PDE4D: variants seen among roughly 807,000 people sequenced by gnomAD.
PDE4D encodes the protein phosphodiesterase 4D.
A neutral mutation model predicts 87.4 loss-of-function variants in PDE4D; 24 were observed. That is an observed-to-expected ratio of 0.27 (90% CI 0.20 to 0.39). The LOEUF (loss-of-function observed/expected upper bound fraction) is 0.39. PDE4D is among the 10% of genes least tolerant of loss of function. The probability of loss-of-function intolerance (pLI) is 1.00; values close to 1 mark genes in which losing one functional copy is unlikely to be tolerated. For synonymous variants in PDE4D, 384 were observed against 383.2 expected, an observed-to-expected ratio of 1.00 and a Z score of -0.02; for missense variants, 714 against 1,041.0, an observed-to-expected ratio of 0.69 and a Z score of 4.32.
intron 5 of PDE4D, among the ~76,000 whole-genome samples, chr5:59,132,022 C>T (rs138134816): frequency 2.0e-4 from 31 of 152,048 alleles, no homozygotes; most frequent in Non-Finnish European, 4.0e-4. Flanking sequence ...TCTGATAGTT[C>T]CCACAACTTT....
chr5:59,460,310 A>T (rs967746344), intron 1 of PDE4D, among the ~76,000 whole-genome samples: 1 of 152,212 alleles, frequency 6.6e-6, no homozygotes, highest in Non-Finnish European at 1.5e-5. Flanking sequence ...GTAGACAAAC[A>T]TTATGCTAAT....
At chr5:59,762,634 GGGTACACATATGTGTATATGTGTATATA>G (rs1762244932) in intron 1 of PDE4D, among the ~76,000 whole-genome samples, 3 of 127,394 alleles carry the variant, frequency 2.4e-5, no homozygotes, top group Non-Finnish European at 5.0e-5. Context: ...ATGTGTATAT[GGGTACACATATGTGTATATGTGTATATA>G]GGTACGTATG....
At chr5:60,118,680 C>A (rs1218108821) in intron 2 of PDE4D, among the ~76,000 whole-genome samples, 8 of 151,780 alleles carry the variant, frequency 5.3e-5, no homozygotes, top group African/African-American at 1.9e-4. Flanking sequence ...CTCTTACTTT[C>A]CAACTATCCT....
chr5:60,132,256 T>C (rs531246553), intron 2 of PDE4D, among the ~76,000 whole-genome samples: 1 of 152,344 alleles, frequency 6.6e-6, no homozygotes, highest in Non-Finnish European at 1.5e-5. Context: ...GCATTCATTT[T>C]AGAAAAGCAT....
intron 1 of PDE4D, among the ~76,000 whole-genome samples, chr5:59,762,671 T>C (rs1406522545): frequency 6.7e-6 from 1 of 148,900 alleles, no homozygotes; most frequent in Non-Finnish European, 1.5e-5. Context: ...TAGGTACGTA[T>C]GTGTATATGT....
chr5:59,940,535 A>G (rs973432389), intron 3 of PDE4D, among the ~76,000 whole-genome samples: 3 of 152,194 alleles, frequency 2.0e-5, no homozygotes, highest in Non-Finnish European at 4.4e-5. Context: ...GGGAGCTGTT[A>G]GAGATTTATC....
intron 3 of PDE4D, chr5:59,988,353 C>T (rs1762652387): frequency 2.2e-6 from 1 of 456,938 alleles, no homozygotes; most frequent in Non-Finnish European, 3.9e-6. Flanking sequence ...GAAATTCATC[C>T]TTTTTTTTTT....
intron 1 of PDE4D, among the ~76,000 whole-genome samples, chr5:60,478,245 G>GA (rs1310996878): frequency 6.6e-6 from 1 of 152,166 alleles, no homozygotes; most frequent in Admixed American, 6.5e-5. Flanking sequence ...AAGTTTATGA[G>GA]AAAATACATT....
At chr5:60,126,217 G>T (rs1345320009) in intron 2 of PDE4D, among the ~76,000 whole-genome samples, 2 of 150,510 alleles carry the variant, frequency 1.3e-5, no homozygotes, top group Non-Finnish European at 3.0e-5. Context: ...AAAAAAAAAG[G>T]TTGTTGACTT....
At position 59,132,464 on chromosome 5, in the gene PDE4D, T is replaced by C. The variant is rs368475730; in HGVS notation, c.808+48131A>G. Among the ~76,000 whole-genome samples the C allele has an allele frequency of 5.3e-5, 8 of 152,360 alleles. No individual in the cohort carries two copies. In the East Asian group the frequency reaches 1.3e-3, roughly 26 times the overall value. On this transcript the variant is annotated intron_variant, in intron 5 of 14. Transcript: ENST00000340635. ...TAAATAACTTTTACGTGATTCAGTA[T>C]ACATGTAAATTGAAATAAAGAATAT...
chr5:60,372,968 G>A (rs1761155067), intron 1 of PDE4D, among the ~76,000 whole-genome samples: 1 of 152,154 alleles, frequency 6.6e-6, no homozygotes, highest in African/African-American at 2.4e-5. Context: ...TTCACAATCA[G>A]ACACACCGCA....
chr5:60,373,656 G>T (rs959835473), intron 1 of PDE4D, among the ~76,000 whole-genome samples: 2 of 152,174 alleles, frequency 1.3e-5, no homozygotes, highest in African/African-American at 4.8e-5. Context: ...AGTGAGAAAA[G>T]AATAGAAATT....
intron 1 of PDE4D, among the ~76,000 whole-genome samples, chr5:60,442,998 A>G (rs1464950291): frequency 6.6e-6 from 1 of 152,108 alleles, no homozygotes; most frequent in Non-Finnish European, 1.5e-5. Flanking sequence ...GCAACTTAAT[A>G]TCCACTCTCA....
chr5:59,380,205 T>G (rs947025263), intron 1 of PDE4D, among the ~76,000 whole-genome samples: 2 of 152,144 alleles, frequency 1.3e-5, no homozygotes, highest in Non-Finnish European at 2.9e-5. Context: ...CATGCATTAT[T>G]TTATTATGAT....
chr5:59,858,156 G>C (rs1745734206), intron 1 of PDE4D, among the ~76,000 whole-genome samples: 1 of 152,080 alleles, frequency 6.6e-6, no homozygotes, highest in Non-Finnish European at 1.5e-5. Context: ...ATATAAAATT[G>C]GTGCATTTCA....
chr5:59,493,911 C>A (rs1355176634), intron 1 of PDE4D, among the ~76,000 whole-genome samples: 1 of 152,180 alleles, frequency 6.6e-6, no homozygotes, highest in Non-Finnish European at 1.5e-5. Context: ...AAACAGTGAT[C>A]TAATCACATC....
intron 2 of PDE4D, among the ~76,000 whole-genome samples, chr5:59,211,252 C>G (rs1358653911): frequency 6.6e-6 from 1 of 152,142 alleles, no homozygotes; most frequent in African/African-American, 2.4e-5. Flanking sequence ...TAAGTTGCTA[C>G]TGCATCATCT....
chr5:59,515,837 A>G (rs1811059156), intron 1 of PDE4D, among the ~76,000 whole-genome samples: 1 of 152,190 alleles, frequency 6.6e-6, no homozygotes, highest in African/African-American at 2.4e-5. Flanking sequence ...AAGCAGACCA[A>G]CTGTACTGAT....
chr5:60,403,240 C>T (rs1741242086), intron 1 of PDE4D, among the ~76,000 whole-genome samples: 1 of 152,190 alleles, frequency 6.6e-6, no homozygotes, highest in African/African-American at 2.4e-5. Context: ...GTAATATTTG[C>T]TTTTAACAGG....
Sources: allele counts gnomAD v4.1 joint callset (sites outside exome capture counted in the v4.1 genomes callset), GRCh38; gene constraint gnomAD v4.1.1; transcripts MANE v1.5; gene names NCBI Gene and HGNC (gene_info 2026-07-23, HGNC 2026-07-21).